The following PLCL2 variants were observed in gnomAD, a reference collection of about 807,000 sequenced individuals.
The protein encoded by PLCL2 is phospholipase C like 2, also known as inactive phospholipase C-like protein 2.
Under a neutral mutation model 79.6 loss-of-function variants are expected in PLCL2, and 4 were observed. That is an observed-to-expected ratio of 0.05 (90% confidence interval 0.02 to 0.11). The LOEUF is 0.11. Ranked by LOEUF, PLCL2 falls within the 10% of genes least tolerant of loss-of-function variation. The pLI, the probability that PLCL2 is intolerant of heterozygous loss-of-function variation, is 1.00. For missense variants in PLCL2, 895 were observed against 1,291.0 expected, an observed-to-expected ratio of 0.69 and a Z score of 4.70; for synonymous variants, 484 against 457.7, an observed-to-expected ratio of 1.06 and a Z score of -0.73.
At chr3:17,024,904 A>C (rs1472310673) in intron 3 of PLCL2, among the ~76,000 whole-genome samples, 1 of 152,184 alleles carries the variant, frequency 6.6e-6, no homozygotes, top group Non-Finnish European at 1.5e-5. Context: ...AAAGAAAAAC[A>C]GATGTGTTCA....
intron 1 of PLCL2, among the ~76,000 whole-genome samples, chr3:16,967,335 C>T (rs571500753): frequency 3.8e-4 from 58 of 152,122 alleles, no homozygotes; most frequent in Non-Finnish European, 5.3e-4. Flanking sequence ...TTTGAGAAAA[C>T]GCCAAACTGC....
chr3:16,963,639 C>T (rs951370562), intron 1 of PLCL2, among the ~76,000 whole-genome samples: 1 of 152,096 alleles, frequency 6.6e-6, no homozygotes, highest in African/African-American at 2.4e-5. Context: ...ATTTAACCCC[C>T]AGCATATACT....
chr3:16,974,132 G>A (rs1332252404), intron 1 of PLCL2, among the ~76,000 whole-genome samples: 1 of 152,176 alleles, frequency 6.6e-6, no homozygotes, highest in African/African-American at 2.4e-5. Flanking sequence ...GAGTGAGGCA[G>A]GGCATGAGCC....
At chr3:16,985,327 ATAG>A in intron 1 of PLCL2, among the ~76,000 whole-genome samples, 1 of 152,142 alleles carries the variant, frequency 6.6e-6, no homozygotes, top group Non-Finnish European at 1.5e-5. Context: ...TAGTACTTCC[ATAG>A]TACGTGGCCC....
chr3:17,045,368 TG>T (rs1403174599), intron 4 of PLCL2, among the ~76,000 whole-genome samples: 2 of 152,170 alleles, frequency 1.3e-5, no homozygotes, highest in African/African-American at 4.8e-5. Context: ...TGTTAAAAAA[TG>T]TCCCCAGTTC....
chr3:16,986,518 C>T (rs2064052212), intron 1 of PLCL2, among the ~76,000 whole-genome samples: 1 of 152,188 alleles, frequency 6.6e-6, no homozygotes, highest in Admixed American at 6.5e-5. Context: ...TCTCCTGCCT[C>T]AGCCTCCTGA....
intron 1 of PLCL2, among the ~76,000 whole-genome samples, chr3:16,962,973 A>G (rs534201662): frequency 3.3e-5 from 5 of 152,292 alleles, no homozygotes; most frequent in Non-Finnish European, 5.9e-5. Flanking sequence ...GGAAATTACA[A>G]TCAAGATTAA....
At chr3:16,928,535 C>G (rs1402063410) in intron 1 of PLCL2, among the ~76,000 whole-genome samples, 1 of 152,168 alleles carries the variant, frequency 6.6e-6, no homozygotes, top group Non-Finnish European at 1.5e-5. Flanking sequence ...GGAGAAAGTA[C>G]AGAGCCAGGC....
chr3:17,085,020 A>T (rs900085108), intron 5 of PLCL2, among the ~76,000 whole-genome samples: 2 of 152,242 alleles, frequency 1.3e-5, no homozygotes, highest in Admixed American at 1.3e-4. Flanking sequence ...ATAATCATCT[A>T]TGTAGAAAAT....
intron 4 of PLCL2, among the ~76,000 whole-genome samples, chr3:17,060,243 C>T (rs191358026): frequency 1.9e-3 from 284 of 152,204 alleles, no homozygotes; most frequent in African/African-American, 6.5e-3. Flanking sequence ...AGAAGAAAAC[C>T]TCCCTCATAT....
chr3:16,976,335 C>T (rs2063925680), intron 1 of PLCL2, among the ~76,000 whole-genome samples: 1 of 152,018 alleles, frequency 6.6e-6, no homozygotes, highest in South Asian at 2.1e-4. Context: ...TGGCAACAGC[C>T]TAGAGATTCA....
At chr3:17,075,131 T>G (rs2065097048) in intron 5 of PLCL2, among the ~76,000 whole-genome samples, 1 of 152,202 alleles carries the variant, frequency 6.6e-6, no homozygotes, top group South Asian at 2.1e-4. Context: ...TATTTCTAGT[T>G]TTTTATTTCA....
chr3:17,017,569 T>A (rs962724154), intron 3 of PLCL2, among the ~76,000 whole-genome samples: 3 of 152,206 alleles, frequency 2.0e-5, no homozygotes, highest in Admixed American at 6.5e-5. Context: ...TTTATTTTTG[T>A]AATGTTATGT....
intron 1 of PLCL2, among the ~76,000 whole-genome samples, chr3:16,904,927 C>A (rs1294955808): frequency 6.6e-6 from 1 of 152,142 alleles, no homozygotes; most frequent in Non-Finnish European, 1.5e-5. Flanking sequence ...GCCTTCCCAG[C>A]CCTGCAGAAC....
intron 1 of PLCL2, among the ~76,000 whole-genome samples, chr3:16,935,221 A>C (rs1347693799): frequency 6.6e-6 from 1 of 152,080 alleles, no homozygotes; most frequent in Admixed American, 6.5e-5. Context: ...ACATATTCAT[A>C]TCTTTGCTTA....
intron 1 of PLCL2, among the ~76,000 whole-genome samples, chr3:16,972,815 T>C (rs1256502325): frequency 2.0e-5 from 3 of 152,200 alleles, no homozygotes; most frequent in African/African-American, 7.2e-5. Context: ...TCCTGTTTTT[T>C]TCTGTTTTCC....
chr3:17,042,675 A>G lies in PLCL2; in HGVS notation c.3019-199A>G, dbSNP rs2064737370. 3 of 520,752 alleles carry G rather than the reference A, an allele frequency of 5.8e-6. No homozygotes were observed. In the Admixed American group the frequency reaches 9.6e-5, roughly 17 times the overall value. 32.3% of individuals were successfully genotyped at this position (520,752 alleles called of 1,614,324 possible). A position where few individuals can be genotyped will look rare whatever the true frequency, so the allele number is the denominator to read the frequency against. On this transcript the variant is annotated intron_variant, in intron 3 of 5. Transcript: ENST00000615277. ...GCACTTGGAAAGTAATACTATTCAC[A>G]TCTTGTTTTAACCATTATGTGGGGA...
chr3:16,975,334 GC>G (rs1056185603), intron 1 of PLCL2, among the ~76,000 whole-genome samples: 1 of 152,160 alleles, frequency 6.6e-6, no homozygotes, highest in Non-Finnish European at 1.5e-5. Context: ...TCATGGCATA[GC>G]TCAGTGAAGC....
intron 3 of PLCL2, among the ~76,000 whole-genome samples, chr3:17,035,281 A>G (rs371392795): frequency 2.6e-5 from 4 of 151,390 alleles, no homozygotes; most frequent in East Asian, 1.9e-4. Context: ...AAAGCACTCT[A>G]TAACTGTGGG....
Sources: gnomAD v4.1 joint callset for allele counts (sites outside exome capture counted in the v4.1 genomes callset) on GRCh38, gnomAD v4.1.1 for gene constraint, MANE v1.5 for transcripts, NCBI Gene and HGNC (gene_info 2026-07-23, HGNC 2026-07-21) for gene names.